ASAP1: variants seen among roughly 807,000 people sequenced by gnomAD.
ASAP1 encodes the protein arf-GAP with SH3 domain, ANK repeat and PH domain-containing protein 1.
ASAP1 carries 43 observed loss-of-function variants against 145.2 expected under a neutral mutation model. That is an observed-to-expected ratio of 0.30 (90% CI 0.23 to 0.38). ASAP1 has a LOEUF of 0.38. ASAP1 is among the 10% of genes least tolerant of loss of function. The pLI is 1.00. For synonymous variants in ASAP1, 546 were observed against 515.5 expected (o/e 1.06, Z -0.80); for missense variants, 1,018 against 1,355.3 (o/e 0.75, Z 3.91).
In ASAP1 at chr8:130,134,356, A is replaced by T; in HGVS notation, c.1169-12T>A. On this transcript the variant is annotated splice_polypyrimidine_tract_variant and intron_variant, in intron 14 of 29. Coordinates refer to ENST00000518721, the MANE Select transcript of ASAP1 (RefSeq NM_018482.4). Reference sequence around the variant, plus strand: ...ATATGTTCTATTATCTAAAATAAAAAAAAAGAAAAATAAGTGAAACCTTAG... The same window carrying T: ...ATATGTTCTATTATCTAAAATAAAATAAAAGAAAAATAAGTGAAACCTTAG... 1.3e-6 allele frequency: 2 copies of T among 1,533,942 alleles called. No homozygotes were observed. The highest frequency in any genetic ancestry group is 1.8e-6 in the Non-Finnish European group (2 of 1,131,872).
At chr8:130,407,404 T>C (rs1392184406) in intron 1 of ASAP1, among the ~76,000 whole-genome samples, 2 of 152,216 alleles carry the variant, frequency 1.3e-5, no homozygotes, top group Non-Finnish European at 1.5e-5. Context: ...GGAAGCCCTC[T>C]GTGTGAATGG....
Position 130,290,764 on chromosome 8 carries a change from A to G in ASAP1, c.187-53770T>C, listed in dbSNP as rs114249917. On this transcript the variant is annotated intron_variant, in intron 3 of 29. Transcript: ENST00000518721. ...TGAGGCATGACAAATCCTTAACAGG[A>G]TAATGATGATACTCCTCCTTCCTCT... 3.8e-3 allele frequency among the ~76,000 whole-genome samples: 574 copies of G among 152,342 alleles called. 6 individuals are homozygous for G. Among genetic ancestry groups the G allele is most frequent in the African/African-American group, 0.013 (545 of 41,570 alleles).
chr8:130,087,065 TG>T (rs2097494922), intron 25 of ASAP1, among the ~76,000 whole-genome samples: 1 of 152,132 alleles, frequency 6.6e-6, no homozygotes, highest in South Asian at 2.1e-4. Flanking sequence ...AAGGTCAGCA[TG>T]GGGGACTGGG....
At chr8:130,223,357 G>C (rs959241323) in intron 4 of ASAP1, among the ~76,000 whole-genome samples, 1 of 152,084 alleles carries the variant, frequency 6.6e-6, no homozygotes, top group African/African-American at 2.4e-5. Flanking sequence ...AACTTATGTG[G>C]GCCTCAACTT....
At chr8:130,302,181 T>C (rs1225388835) in intron 3 of ASAP1, among the ~76,000 whole-genome samples, 2 of 152,264 alleles carry the variant, frequency 1.3e-5, no homozygotes, top group Admixed American at 1.3e-4. Context: ...AAAAACCATG[T>C]ACAACTTTTC....
At chr8:130,144,325 G>C (rs1265658473) in intron 13 of ASAP1, among the ~76,000 whole-genome samples, 1 of 152,148 alleles carries the variant, frequency 6.6e-6, no homozygotes. Flanking sequence ...TAAACTGCCA[G>C]ATACATTATA....
At chr8:130,162,512 T>C (rs923986912) in intron 11 of ASAP1, among the ~76,000 whole-genome samples, 2 of 152,144 alleles carry the variant, frequency 1.3e-5, no homozygotes, top group African/African-American at 4.8e-5. Context: ...GCCCTATCTG[T>C]ATCTTCCAGA....
At chr8:130,074,126 A>AG (rs35004363) in intron 27 of ASAP1, among the ~76,000 whole-genome samples, 347 of 151,766 alleles carry the variant, frequency 2.3e-3, no homozygotes, top group Middle Eastern at 0.014. Context: ...AAAAAAAAAA[A>AG]GGGGGCAATT....
chr8:130,430,050 A>C (rs555648806), intron 1 of ASAP1, among the ~76,000 whole-genome samples: 2 of 152,320 alleles, frequency 1.3e-5, no homozygotes, highest in South Asian at 4.1e-4. Flanking sequence ...CCTGAGACTA[A>C]GTCTTAGCTT....
intron 27 of ASAP1, among the ~76,000 whole-genome samples, chr8:130,070,288 T>G (rs550992979): frequency 3.3e-5 from 5 of 152,136 alleles, no homozygotes; most frequent in Non-Finnish European, 5.9e-5. Context: ...CTGCCCACCT[T>G]GGCCTCTCAA....
intron 5 of ASAP1, among the ~76,000 whole-genome samples, chr8:130,210,410 G>C (rs1816506316): frequency 6.6e-6 from 1 of 152,062 alleles, no homozygotes; most frequent in Non-Finnish European, 1.5e-5. Context: ...AATATGAATA[G>C]AAGTAGTCCA....
chr8:130,438,502 G>C (rs1830390582), intron 1 of ASAP1, among the ~76,000 whole-genome samples: 2 of 152,320 alleles, frequency 1.3e-5, no homozygotes, highest in African/African-American at 4.8e-5. Flanking sequence ...GATGCGTGCT[G>C]TGCTAGGAAA....
At chr8:130,264,582 C>T (rs1363631250) in intron 3 of ASAP1, among the ~76,000 whole-genome samples, 1 of 152,138 alleles carries the variant, frequency 6.6e-6, no homozygotes, top group Non-Finnish European at 1.5e-5. Flanking sequence ...GTTATCTAAG[C>T]TTTTTTTGGA....
intron 24 of ASAP1, among the ~76,000 whole-genome samples, chr8:130,095,418 A>C (rs1416543930): frequency 6.7e-6 from 1 of 148,414 alleles, no homozygotes; most frequent in Non-Finnish European, 1.5e-5. Context: ...CTCCTGCCTC[A>C]GCCTCCCAAG....
At chr8:130,241,526 T>A (rs1049432404) in intron 3 of ASAP1, among the ~76,000 whole-genome samples, 1 of 152,068 alleles carries the variant, frequency 6.6e-6, no homozygotes, top group African/African-American at 2.4e-5. Flanking sequence ...CATAAACTCA[T>A]CAGTATAATC....
At chr8:130,243,967 T>C (rs1362544641) in intron 3 of ASAP1, among the ~76,000 whole-genome samples, 1 of 152,162 alleles carries the variant, frequency 6.6e-6, no homozygotes, top group African/African-American at 2.4e-5. Context: ...CTGAAAACAA[T>C]AGGAGATGTG....
Position 130,118,478 on chromosome 8 carries a change from T to A in ASAP1, c.1794+11A>T. On this transcript the variant is annotated intron_variant, in intron 19 of 29. Coordinates refer to ENST00000518721, the MANE Select transcript of ASAP1 (RefSeq NM_018482.4). ...ATTACTTTTTATCCAATGATTTTAGTGAGGCCTTACCTGCCCAGGTTCCAG... is the reference window on the plus strand; with the variant it reads ...ATTACTTTTTATCCAATGATTTTAGAGAGGCCTTACCTGCCCAGGTTCCAG... The A allele has an allele frequency of 6.3e-7, 1 of 1,586,544 alleles. No individual in the cohort carries two copies. The highest frequency in any genetic ancestry group is 8.6e-7 in the Non-Finnish European group (1 of 1,165,698).
At position 130,092,088 on chromosome 8, in the gene ASAP1, G is replaced by A; in HGVS notation, c.2457C>T (p.Ser819=). Residue 819 remains serine, a synonymous_variant, in exon 25 of 30, where the codon AGC becomes AGT. Transcript: ENST00000518721. ...LPLSTQTSSG[S]STLSKKRPPP... ...GAGGCCTCTTCTTGGATAGGGTGGA[G>A]CTGCCACTAGAGGTCTGGGTGCTTA... 4.5e-6 allele frequency: 7 copies of A among 1,571,512 alleles called. No individual in the cohort carries two copies. The highest frequency in any genetic ancestry group is 6.0e-6 in the Non-Finnish European group (7 of 1,164,390).
intron 3 of ASAP1, among the ~76,000 whole-genome samples, chr8:130,333,603 T>C (rs1358828369): frequency 6.6e-6 from 1 of 151,982 alleles, no homozygotes; most frequent in African/African-American, 2.4e-5. Context: ...AAACTCCGTC[T>C]CAAAAACAAA....
Sources: gnomAD v4.1 joint callset for allele counts (sites outside exome capture counted in the v4.1 genomes callset) on GRCh38, gnomAD v4.1.1 for gene constraint, MANE v1.5 for transcripts, NCBI Gene and HGNC (gene_info 2026-07-23, HGNC 2026-07-21) for gene names.